The following SUPT5H variants were observed in gnomAD, a reference collection of about 807,000 sequenced individuals.
The protein encoded by SUPT5H is SPT5 homolog, DSIF elongation factor subunit, also known as transcription elongation factor SPT5.
A neutral mutation model predicts 142.5 loss-of-function variants in SUPT5H; 24 were observed. That is an observed-to-expected ratio of 0.17 (90% CI 0.12 to 0.24). SUPT5H has a LOEUF of 0.24. Among genes scored for constraint, SUPT5H ranks in the 10% least tolerant of loss-of-function variants. The probability of loss-of-function intolerance (pLI) is 1.00; values close to 1 mark genes in which losing one functional copy is unlikely to be tolerated. For synonymous variants in SUPT5H, 546 were observed against 553.0 expected (o/e 0.99, Z 0.18); for missense variants, 893 against 1,471.8 (o/e 0.61, Z 6.43).
In SUPT5H at chr19:39,469,584, C is replaced by G. The variant is rs902985502; in HGVS notation, c.1374+186C>G. 9 of 777,580 alleles carry G rather than the reference C, an allele frequency of 1.2e-5. No homozygotes were observed. In the African/African-American group the frequency reaches 1.4e-4, roughly 12 times the overall value. The allele number at this position is 777,580 out of a possible 1,614,324, so 48.2% of individuals were successfully genotyped here. A position where few individuals can be genotyped will look rare whatever the true frequency, so the allele number is the denominator to read the frequency against. On this transcript the variant is annotated intron_variant, in intron 16 of 29. Coordinates refer to ENST00000432763, the MANE Select transcript of SUPT5H (RefSeq NM_001111020.3). The surrounding 1 kb of genome is among the most constrained non-coding windows in gnomAD (Gnocchi z 5.1). ...CAGCTCAGGGTCGGTGGGCAGCAGG[C>G]CTGCCTGGTGGTGTCTGTCTCTGGA...
chr19:39,459,317 C>T (rs2079131353), intron 8 of SUPT5H, 68 bp downstream of exon 8: 1 of 1,526,810 alleles, frequency 6.5e-7, no homozygotes, highest in East Asian at 2.4e-5. Context: ...GGTGCCTAGA[C>T]AGGTGGCTCC....
At position 39,475,109 on chromosome 19, in the gene SUPT5H, G is replaced by A. The variant is rs527311091; in HGVS notation, c.3024+391G>A. On this transcript the variant is annotated intron_variant, in intron 28 of 29. Transcript: ENST00000432763. ...ATAAAGAGCCAAAGGGGGCCAAGCA[G>A]TGCTTCACACCTGTAATCCCAGCAC... 15 of 269,786 alleles carry A rather than the reference G, an allele frequency of 5.6e-5. No individual in the cohort carries two copies. In the South Asian group the frequency reaches 6.0e-4, roughly 11 times the overall value. 16.7% of individuals were successfully genotyped at this position (269,786 alleles called of 1,614,324 possible).
At chr19:39,451,544 GT>G (rs2079022551) in intron 2 of SUPT5H, among the ~76,000 whole-genome samples, 1 of 150,668 alleles carries the variant, frequency 6.6e-6, no homozygotes, top group South Asian at 2.1e-4. Context: ...TTGTTTGTTT[GT>G]TTTTTTGACA....
chr19:39,476,485 C>CAGGGCT lies in SUPT5H; in HGVS notation c.*90_*95dup. ...TTGGCTGTGACACAAGATCCTCCTGCAGGGCTAGGCGGATTGTTCTGGATT... is the reference window on the plus strand; with the variant it reads ...TTGGCTGTGACACAAGATCCTCCTGCAGGGCTAGGGCTAGGCGGATTGTTCTGGATT... On this transcript the variant is annotated 3_prime_UTR_variant, in exon 30 of 30. Transcript: ENST00000432763. The CAGGGCT allele has an allele frequency of 6.6e-7, 1 of 1,507,056 alleles. No individual in the cohort carries two copies. The highest frequency in any genetic ancestry group is 1.8e-4 in the Middle Eastern group (1 of 5,670). 93.4% of individuals were successfully genotyped at this position (1,507,056 alleles called of 1,614,324 possible). A position where few individuals can be genotyped will look rare whatever the true frequency, so the allele number is the denominator to read the frequency against.
chr19:39,464,890 T>C lies in SUPT5H; in HGVS notation c.717T>C (p.Ile239=). 10 of 1,614,076 alleles carry C rather than the reference T, an allele frequency of 6.2e-6. No homozygotes were observed. Among genetic ancestry groups the C allele is most frequent in the Non-Finnish European group, 8.5e-6 (10 of 1,180,004 alleles). ...AYKQTHVKQA[I]EGVGNLRLGY... is the part of the protein sequence containing the mutation. ...AGCAGACCCACGTGAAGCAGGCCAT[T>C]GAGGGGGTGGGCAACCTGCGGCTTG... The change falls in exon 11 of 30, where the codon ATT becomes ATC. Residue 239 remains isoleucine, a synonymous_variant. Transcript: ENST00000432763.
chr19:39,470,756 T>A lies in SUPT5H; in HGVS notation c.1677+233T>A, dbSNP rs1568431377. 6.6e-6 allele frequency among the ~76,000 whole-genome samples: 1 copy of A among 152,162 alleles called. No individual in the cohort carries two copies. Among genetic ancestry groups the A allele is most frequent in the East Asian group, 1.9e-4 (1 of 5,194 alleles). On this transcript the variant is annotated intron_variant, in intron 18 of 29. Coordinates refer to ENST00000432763, the MANE Select transcript of SUPT5H (RefSeq NM_001111020.3). This position sits in a 1 kb window ranked among gnomAD's most constrained non-coding sequence, Gnocchi z 5.8. ...AGAGCAGCGTCTACTTTGTTCATAG[T>A]GAATGATTCCCTGAGGTTAGATCTG...
chr19:39,475,755 T>C (rs1395235679), intron 28 of SUPT5H: 3 of 317,774 alleles, frequency 9.4e-6, no homozygotes, highest in African/African-American at 6.5e-5. Context: ...CTGCAGACCA[T>C]GGGGCGGTCC....
rs751504372 is a variant in SUPT5H at position 39,459,959 on chromosome 19, C to T, written c.623C>T (p.Thr208Met). 17 of 1,613,950 alleles carry T rather than the reference C, an allele frequency of 1.1e-5. No individual in the cohort carries two copies. The East Asian group carries it at 2.7e-4, about 25-fold the overall frequency. Residue 208 changes from threonine (T) to methionine (M), a missense_variant and splice_region_variant, in exon 10 of 30, where the codon ACG (threonine) becomes ATG (methionine). Physicochemically the swap from Thr to Met is moderately conservative, Grantham distance 81 (BLOSUM62 -1). Coordinates refer to ENST00000432763, the MANE Select transcript of SUPT5H (RefSeq NM_001111020.3). ...RKFIAYQFTD[T>M]PLQIKSVVAP... ...TTCATTGCCTACCAGTTCACAGACACGGTAAGTCGGGTAGACAGGCGGCTT... is the reference window on the plus strand; with the variant it reads ...TTCATTGCCTACCAGTTCACAGACATGGTAAGTCGGGTAGACAGGCGGCTT...
At position 39,472,282 on chromosome 19, in the gene SUPT5H, G is replaced by A. The variant is rs1411670799; in HGVS notation, c.1951-127G>A. On this transcript the variant is annotated intron_variant, in intron 20 of 29. Coordinates refer to ENST00000432763, the MANE Select transcript of SUPT5H (RefSeq NM_001111020.3). The surrounding 1 kb of genome is among the most constrained non-coding windows in gnomAD (Gnocchi z 4.2). ...GTGTGCAGGACCAGCTGTCACAGAG[G>A]AATTCAGGCCTGGGGTGTGGGTGGC... 2 of 837,818 alleles carry A rather than the reference G, an allele frequency of 2.4e-6. No homozygotes were observed. The highest frequency in any genetic ancestry group is 3.1e-5 in the South Asian group (2 of 65,550). 51.9% of individuals were successfully genotyped at this position (837,818 alleles called of 1,614,324 possible).
intron 11 of SUPT5H, among the ~76,000 whole-genome samples, chr19:39,465,593 G>A (rs1272831671): frequency 1.3e-5 from 2 of 152,230 alleles, no homozygotes; most frequent in African/African-American, 4.8e-5. Flanking sequence ...TGGGGAGGGG[G>A]TTGACGATTA....
intron 14 of SUPT5H, 65 bp downstream of exon 14, chr19:39,468,926 T>C (rs1382461452): frequency 6.4e-7 from 1 of 1,564,516 alleles, no homozygotes; most frequent in East Asian, 2.2e-5. Flanking sequence ...GGTGATGCCC[T>C]GGGCTGTGGG....
intron 2 of SUPT5H, among the ~76,000 whole-genome samples, chr19:39,452,664 G>A (rs1803482932): frequency 6.6e-6 from 1 of 152,106 alleles, no homozygotes; most frequent in African/African-American, 2.4e-5. Flanking sequence ...CTGTCACAGA[G>A]ATGTCCACCA....
At chr19:39,464,609 A>T (rs1337220672) in intron 10 of SUPT5H, among the ~76,000 whole-genome samples, 189 bp from the exon 11 acceptor site, 1 of 152,220 alleles carries the variant, frequency 6.6e-6, no homozygotes, top group Non-Finnish European at 1.5e-5. Flanking sequence ...GGATATTTTT[A>T]AAATTTTTAG....
At chr19:39,459,753 C>T in intron 9 of SUPT5H, 139 bp from the exon 10 acceptor site, 1 of 1,285,616 alleles carries the variant, frequency 7.8e-7, no homozygotes, top group Non-Finnish European at 1.1e-6. Flanking sequence ...CTCCCACCTC[C>T]ATCTTCCTGG....
chr19:39,475,940 A>C (rs2146134689), intron 28 of SUPT5H, 141 bp from the exon 29 acceptor site: 2 of 737,376 alleles, frequency 2.7e-6, no homozygotes, highest in Non-Finnish European at 4.4e-6. Flanking sequence ...AGGCCTTGGA[A>C]CCAGGCCCAG....
chr19:39,471,183 C>G (rs186942702), intron 18 of SUPT5H, among the ~76,000 whole-genome samples, 174 bp from the exon 19 acceptor site: 1 of 152,196 alleles, frequency 6.6e-6, no homozygotes, highest in Admixed American at 6.5e-5. Context: ...TTGGTTGACC[C>G]AGTACCTAAA....
Position 39,466,569 on chromosome 19 carries a change from G to A in SUPT5H, c.966G>A (p.Leu322=), listed in dbSNP as rs368395961. The A allele has an allele frequency of 1.2e-6, 2 of 1,613,326 alleles. No homozygotes were observed. The highest frequency in any genetic ancestry group is 1.7e-6 in the Non-Finnish European group (2 of 1,179,754). ...ATCGCATCAAGGCCCGCATGAGCTT[G>A]GTACTCAGGGGAATCTGTGGCCTGG... ...DYDRIKARMS[L]KDWFAKRKKF... is the part of the protein sequence containing the mutation. The change falls in exon 12 of 30, where the codon TTG becomes TTA. Residue 322 remains leucine (L), a splice_region_variant and synonymous_variant. Coordinates refer to ENST00000432763, the MANE Select transcript of SUPT5H (RefSeq NM_001111020.3). This position sits in a 1 kb window ranked among gnomAD's most constrained non-coding sequence, Gnocchi z 4.3.
rs1419512197 is a variant in SUPT5H at position 39,459,676 on chromosome 19, C to G, written c.555+87C>G. ...GGAGAAGTGTCTGTCTGTCCCGGGT[C>G]TCCGTGGCCTGCCAGTCACTTGGTC... On this transcript the variant is annotated intron_variant, in intron 9 of 29. Transcript: ENST00000432763. 3 of 1,541,824 alleles carry G rather than the reference C, an allele frequency of 1.9e-6. No individual in the cohort carries two copies. In the East Asian group the frequency reaches 6.8e-5, roughly 35 times the overall value.
chr19:39,473,081 C>T lies in SUPT5H; in HGVS notation c.2225C>T (p.Thr742Ile). ...GTGGAGCTGCACTCCACCTGCCAGA[C>T]CATCTCTGTGGACCGTCAGCGGCTC... ...ARVELHSTCQ[T>I]ISVDRQRLTT... The change falls in exon 23 of 30, where the codon ACC becomes ATC. Residue 742 changes from threonine (T) to isoleucine (I), a missense_variant. Physicochemically the swap from Thr to Ile is moderately conservative, Grantham distance 89 (BLOSUM62 -1). This residue lies in a region of SUPT5H where 336 missense variants were observed against 546.5 expected (regional missense o/e 0.61). Coordinates refer to ENST00000432763, the MANE Select transcript of SUPT5H (RefSeq NM_001111020.3). The surrounding 1 kb of genome is among the most constrained non-coding windows in gnomAD (Gnocchi z 5.8). 1.2e-6 allele frequency: 2 copies of T among 1,613,814 alleles called. No individual in the cohort carries two copies. Among genetic ancestry groups the T allele is most frequent in the Non-Finnish European group, 1.7e-6 (2 of 1,179,912 alleles).
Sources: allele counts gnomAD v4.1 joint callset (sites outside exome capture counted in the v4.1 genomes callset), GRCh38; gene constraint gnomAD v4.1.1; regional missense constraint gnomAD v4.1.1; non-coding constraint Gnocchi (gnomAD v3.1); transcripts MANE v1.5; gene names NCBI Gene and HGNC (gene_info 2026-07-23, HGNC 2026-07-21).